LMCD1: variants seen among roughly 807,000 people sequenced by gnomAD.
LMCD1 encodes the protein LIM and cysteine-rich domains protein 1.
Under a neutral mutation model 42.7 loss-of-function variants are expected in LMCD1, and 32 were observed. The ratio of observed to expected loss-of-function variants is 0.75; its 90% CI spans 0.57 to 1.01. The LOEUF (loss-of-function observed/expected upper bound fraction) is 1.01. LMCD1 is among the 50% of genes least tolerant of loss of function. LMCD1 has a pLI of 0.00. For missense variants in LMCD1, 458 were observed against 483.1 expected, an observed-to-expected ratio of 0.95 and a Z score of 0.49; for synonymous variants, 178 against 184.9, an observed-to-expected ratio of 0.96 and a Z score of 0.30.
At chr3:8,524,907 A>C (rs1694271563) in intron 1 of LMCD1, among the ~76,000 whole-genome samples, 1 of 151,404 alleles carries the variant, frequency 6.6e-6, no homozygotes, top group South Asian at 2.1e-4. Flanking sequence ...CTGGTCTCAA[A>C]CTCCTGGGCT....
Position 8,552,294 on chromosome 3 carries a change from T to C in LMCD1, c.723+3391T>C, listed in dbSNP as rs1172589161. The stretch of plus-strand genomic sequence containing the variant: ...AAAATCAAGTCTATGTTCTTTCCCA[T>C]TTCCCAAAGCTTATTCCTGGGAGAG... On this transcript the variant is annotated intron_variant, in intron 4 of 5. Transcript: ENST00000157600. Among the ~76,000 whole-genome samples the C allele has an allele frequency of 4.6e-5, 7 of 152,312 alleles. No homozygotes were observed. In the East Asian group the frequency reaches 1.4e-3, roughly 29 times the overall value.
intron 2 of LMCD1, among the ~76,000 whole-genome samples, chr3:8,533,180 C>T (rs1694446016): frequency 6.6e-6 from 1 of 152,092 alleles, no homozygotes; most frequent in African/African-American, 2.4e-5. Context: ...ATGGGGTGAT[C>T]TCCCCTCACT....
chr3:8,562,210 C>T (rs1434266579), intron 4 of LMCD1, among the ~76,000 whole-genome samples: 2 of 152,124 alleles, frequency 1.3e-5, no homozygotes, highest in South Asian at 2.1e-4. Context: ...ATGTTACTGG[C>T]AGTAAAAGAC....
Position 8,548,868 on chromosome 3 carries a change from G to A in LMCD1, c.688G>A (p.Gly230Ser), listed in dbSNP as rs751085649. 3.8e-6 allele frequency: 6 copies of A among 1,559,584 alleles called. No individual in the cohort carries two copies. The East Asian group carries it at 6.8e-5, about 18-fold the overall frequency. The change falls in exon 4 of 6, where the codon GGC (glycine) becomes AGC (serine). Residue 230 changes from glycine (G) to serine (S), a missense_variant. Coordinates refer to ENST00000157600, the MANE Select transcript of LMCD1 (RefSeq NM_014583.4). The part of the protein sequence containing the change: ...GAETTAATTN[G>S]SLSDPSKEVE... The stretch of plus-strand genomic sequence containing the variant: ...AGAGACCACTGCTGCTACCACCAAC[G>A]GCAGTCTCAGTGACCCGTCCAAAGA...
intron 1 of LMCD1, among the ~76,000 whole-genome samples, chr3:8,502,276 TAAAATATATATAATATATA>T (rs2125005274): frequency 1.3e-5 from 1 of 75,832 alleles, no homozygotes; most frequent in Admixed American, 2.4e-4. Context: ...AATATATATA[TAAAATATATATAATATATA>T]TTATATATAA....
Position 8,572,014 on chromosome 3 carries a change from G to A in LMCD1, c.*4416G>A, listed in dbSNP as rs1201764733. ...AGATCCAATTCAAGTGTCACCAGCT[G>A]TCCCAATAATGTCTTTTATAACAAA... On this transcript the variant is annotated 3_prime_UTR_variant, in exon 6 of 6. Transcript: ENST00000157600. 6.6e-6 allele frequency: 1 copy of A among 152,200 alleles called. No homozygotes were observed. The highest frequency in any genetic ancestry group is 1.5e-5 in the Non-Finnish European group (1 of 68,038). The allele number at this position is 152,200 out of a possible 1,614,324, so 9.4% of individuals were successfully genotyped here.
chr3:8,543,371 A>G (rs1241585561), intron 3 of LMCD1, among the ~76,000 whole-genome samples: 1 of 128,520 alleles, frequency 7.8e-6, no homozygotes, highest in East Asian at 1.9e-4. Flanking sequence ...AAACTGTTTT[A>G]AACTGCTGAT....
chr3:8,513,356 T>A (rs1269830940), intron 1 of LMCD1, among the ~76,000 whole-genome samples: 1 of 152,182 alleles, frequency 6.6e-6, no homozygotes, highest in Non-Finnish European at 1.5e-5. Context: ...GGGATCCATC[T>A]TGTTACTTGT....
chr3:8,521,919 A>G (rs1261294885), intron 1 of LMCD1, among the ~76,000 whole-genome samples: 1 of 152,144 alleles, frequency 6.6e-6, no homozygotes. Flanking sequence ...AGATGGATGC[A>G]GATGGTGGGG....
chr3:8,542,428 C>T (rs1028880519), intron 3 of LMCD1, among the ~76,000 whole-genome samples: 1 of 152,138 alleles, frequency 6.6e-6, no homozygotes, highest in African/African-American at 2.4e-5. Flanking sequence ...AGTGCAGAGC[C>T]GTGAAAGGAC....
In LMCD1 at chr3:8,561,708, A is replaced by G. The variant is rs149900556; in HGVS notation, c.724-3724A>G. Among the ~76,000 whole-genome samples, 101 of 152,324 alleles carry G rather than the reference A, an allele frequency of 6.6e-4. 1 individual carries two copies. In the East Asian group the frequency reaches 0.018, roughly 28 times the overall value. On this transcript the variant is annotated intron_variant, in intron 4 of 5. Coordinates refer to ENST00000157600, the MANE Select transcript of LMCD1 (RefSeq NM_014583.4). Reference sequence around the variant, plus strand: ...CCTGACCTTCAGTTTTGTAATTTCTAAGAGAGAAGATAATGATTTTCCGAA... The same window carrying G: ...CCTGACCTTCAGTTTTGTAATTTCTGAGAGAGAAGATAATGATTTTCCGAA...
chr3:8,554,921 T>A (rs536051114), intron 4 of LMCD1, among the ~76,000 whole-genome samples: 2 of 152,244 alleles, frequency 1.3e-5, no homozygotes, highest in East Asian at 3.9e-4. Context: ...TCTCTACTCT[T>A]TAGCATTTAC....
At chr3:8,547,460 G>A (rs2125031206) in intron 3 of LMCD1, among the ~76,000 whole-genome samples, 1 of 152,330 alleles carries the variant, frequency 6.6e-6, no homozygotes, top group Admixed American at 6.5e-5. Flanking sequence ...TTGTTGGCAA[G>A]CTGTTACCAT....
intron 5 of LMCD1, 106 bp from the exon 6 acceptor site, chr3:8,567,334 C>T (rs1347306865): frequency 6.0e-6 from 7 of 1,169,398 alleles, no homozygotes; most frequent in Non-Finnish European, 7.1e-6. Flanking sequence ...AAGGTCAAAA[C>T]AAGAATAGGA....
chr3:8,544,940 C>T (rs986656434), intron 3 of LMCD1, among the ~76,000 whole-genome samples: 17 of 152,174 alleles, frequency 1.1e-4, no homozygotes, highest in African/African-American at 3.9e-4. Context: ...CCTGTATCTT[C>T]CCCTAATCTC....
chr3:8,544,920 G>A (rs1025602267), intron 3 of LMCD1, among the ~76,000 whole-genome samples: 4 of 152,282 alleles, frequency 2.6e-5, no homozygotes, highest in Non-Finnish European at 5.9e-5. Context: ...TTCTCAGGCC[G>A]TGGTCCTGAC....
intron 1 of LMCD1, among the ~76,000 whole-genome samples, chr3:8,527,284 C>G (rs1493589): frequency 0.029 from 4,415 of 152,294 alleles, 119 homozygotes; most frequent in African/African-American, 0.07. Flanking sequence ...GGATACCCCA[C>G]CACCACTGCC....
chr3:8,560,960 G>A (rs879864178), intron 4 of LMCD1, among the ~76,000 whole-genome samples: 11 of 152,132 alleles, frequency 7.2e-5, no homozygotes, highest in African/African-American at 1.4e-4. Flanking sequence ...GAGCTCCTAC[G>A]CTCAGAAACT....
intron 4 of LMCD1, among the ~76,000 whole-genome samples, chr3:8,554,663 G>A (rs916262634): frequency 6.6e-6 from 1 of 152,130 alleles, no homozygotes; most frequent in Non-Finnish European, 1.5e-5. Flanking sequence ...CAAGCCCTGC[G>A]CTCCCCACCT....
Sources: gnomAD v4.1 joint callset for allele counts (sites outside exome capture counted in the v4.1 genomes callset) on GRCh38, gnomAD v4.1.1 for gene constraint, MANE v1.5 for transcripts, NCBI Gene and HGNC (gene_info 2026-07-23, HGNC 2026-07-21) for gene names.